CADM2: variants seen among roughly 807,000 people sequenced by gnomAD.
CADM2 encodes the protein cell adhesion molecule 2, also known as immunoglobulin superfamily member 4D.
CADM2 carries 12 observed loss-of-function variants against 49.8 expected under a neutral mutation model. That is an observed-to-expected ratio of 0.24 (90% CI 0.15 to 0.39). CADM2 has a LOEUF of 0.39. CADM2 is among the 10% of genes least tolerant of loss of function. The pLI is 1.00. For synonymous variants in CADM2, 214 were observed against 175.4 expected, an observed-to-expected ratio of 1.22 and a Z score of -1.74; for missense variants, 378 against 492.3, an observed-to-expected ratio of 0.77 and a Z score of 2.20.
At chr3:85,749,172 A>G (rs1353308489) in intron 2 of CADM2, among the ~76,000 whole-genome samples, 5 of 151,838 alleles carry the variant, frequency 3.3e-5, no homozygotes, top group African/African-American at 1.2e-4. Flanking sequence ...AAAGAATTCA[A>G]TACCATATAC....
chr3:85,191,825 C>T (rs2041215515), intron 1 of CADM2, among the ~76,000 whole-genome samples: 1 of 152,048 alleles, frequency 6.6e-6, no homozygotes, highest in Non-Finnish European at 1.5e-5. Flanking sequence ...TTGTTAATTT[C>T]TGGAGGTGTT....
chr3:85,955,116 T>C (rs1723894210), intron 7 of CADM2, among the ~76,000 whole-genome samples: 1 of 151,420 alleles, frequency 6.6e-6, no homozygotes, highest in African/African-American at 2.4e-5. Flanking sequence ...GTATAAGATA[T>C]AAATATTTGA....
intron 1 of CADM2, among the ~76,000 whole-genome samples, chr3:85,239,841 A>G (rs868650641): frequency 5.3e-5 from 8 of 151,410 alleles, no homozygotes; most frequent in African/African-American, 1.9e-4. Context: ...TATTTATTAA[A>G]TATTAATTGT....
At chr3:85,314,099 A>G (rs2044407911) in intron 1 of CADM2, among the ~76,000 whole-genome samples, 1 of 152,146 alleles carries the variant, frequency 6.6e-6, no homozygotes, top group South Asian at 2.1e-4. Flanking sequence ...CGTGTTAGCC[A>G]GGATGGTCTC....
At chr3:85,345,003 T>C in intron 1 of CADM2, among the ~76,000 whole-genome samples, 1 of 152,122 alleles carries the variant, frequency 6.6e-6, no homozygotes, top group Non-Finnish European at 1.5e-5. Context: ...AGCTCATATA[T>C]ATCAAGCATG....
intron 1 of CADM2, among the ~76,000 whole-genome samples, chr3:85,465,397 G>A (rs1486431727): frequency 6.6e-6 from 1 of 152,142 alleles, no homozygotes; most frequent in East Asian, 1.9e-4. Flanking sequence ...ACATTTTGAT[G>A]AACAAAATAA....
intron 1 of CADM2, among the ~76,000 whole-genome samples, chr3:85,097,086 T>C (rs1308209563): frequency 2.6e-5 from 4 of 152,148 alleles, no homozygotes; most frequent in Non-Finnish European, 1.5e-5. Context: ...GCCATGTTGG[T>C]GTGCTGCACC....
Position 85,233,913 on chromosome 3 carries a change from A to T in CADM2, c.61+274245A>T, listed in dbSNP as rs548121108. Among the ~76,000 whole-genome samples the T allele has an allele frequency of 2.6e-5, 4 of 152,236 alleles. No individual in the cohort carries two copies. The South Asian group carries it at 8.3e-4, about 32-fold the overall frequency. On this transcript the variant is annotated intron_variant, in intron 1 of 9. Coordinates refer to ENST00000383699, the MANE Select transcript of CADM2 (RefSeq NM_001167675.2). ...ACAAAATGCATATTTAATTCTACAA[A>T]TATAGTATGAATTATTTCCATTCTT...
At chr3:84,962,652 G>T (rs746931361) in intron 1 of CADM2, among the ~76,000 whole-genome samples, 51 of 152,128 alleles carry the variant, frequency 3.4e-4, no homozygotes, top group Admixed American at 2.6e-3. Flanking sequence ...TGCCCTGCCT[G>T]CTAGTAGTTA....
At chr3:85,721,461 G>T (rs935258978) in intron 1 of CADM2, among the ~76,000 whole-genome samples, 1 of 152,094 alleles carries the variant, frequency 6.6e-6, no homozygotes, top group Admixed American at 6.5e-5. Context: ...TCACACTACT[G>T]GCCTGGGTCT....
intron 1 of CADM2, among the ~76,000 whole-genome samples, chr3:85,710,854 T>A (rs1262488599): frequency 6.6e-6 from 1 of 152,128 alleles, no homozygotes; most frequent in Non-Finnish European, 1.5e-5. Context: ...TGATATTTGA[T>A]AATCAATGCT....
At chr3:85,688,806 G>A (rs566524404) in intron 1 of CADM2, among the ~76,000 whole-genome samples, 6 of 152,108 alleles carry the variant, frequency 3.9e-5, no homozygotes, top group Admixed American at 2.0e-4. Context: ...GACCTCAAGC[G>A]ATCCTCCTGT....
intron 1 of CADM2, among the ~76,000 whole-genome samples, chr3:85,461,508 A>G (rs1046583525): frequency 6.6e-6 from 1 of 152,176 alleles, no homozygotes; most frequent in African/African-American, 2.4e-5. Flanking sequence ...CATATATGTT[A>G]TGTTTCTGAA....
intron 1 of CADM2, among the ~76,000 whole-genome samples, chr3:85,560,713 T>C (rs2062073011): frequency 6.6e-6 from 1 of 152,216 alleles, no homozygotes; most frequent in Non-Finnish European, 1.5e-5. Flanking sequence ...TTCTCAACTT[T>C]CACTCACCAA....
At chr3:85,321,968 C>G (rs72903217) in intron 1 of CADM2, among the ~76,000 whole-genome samples, 12,043 of 152,244 alleles carry the variant, frequency 0.079, 913 homozygotes, top group African/African-American at 0.2. Context: ...AAATTGCTAA[C>G]GTCATTTTTG....
chr3:84,982,830 C>T (rs1000627906), intron 1 of CADM2, among the ~76,000 whole-genome samples: 2 of 150,200 alleles, frequency 1.3e-5, no homozygotes, highest in African/African-American at 2.5e-5. Flanking sequence ...ACTGCAACCT[C>T]CCCGTCCCTG....
At chr3:85,811,253 T>C (rs2072856114) in intron 3 of CADM2, among the ~76,000 whole-genome samples, 1 of 152,216 alleles carries the variant, frequency 6.6e-6, no homozygotes, top group African/African-American at 2.4e-5. Flanking sequence ...AAATAAGTGC[T>C]GATGACCAGG....
At chr3:85,465,097 C>T (rs1036974149) in intron 1 of CADM2, among the ~76,000 whole-genome samples, 7 of 152,274 alleles carry the variant, frequency 4.6e-5, no homozygotes, top group African/African-American at 1.4e-4. Context: ...TTGCAGTAAG[C>T]TGAGATCGCG....
At chr3:85,587,636 A>G (rs983960750) in intron 1 of CADM2, among the ~76,000 whole-genome samples, 3 of 152,056 alleles carry the variant, frequency 2.0e-5, no homozygotes, top group African/African-American at 7.2e-5. Flanking sequence ...TTCATGTTTC[A>G]TGAATAAGTT....
Sources: allele counts gnomAD v4.1 joint callset (sites outside exome capture counted in the v4.1 genomes callset), GRCh38; gene constraint gnomAD v4.1.1; transcripts MANE v1.5; gene names NCBI Gene and HGNC (gene_info 2026-07-23, HGNC 2026-07-21).